GRID2: variants seen among roughly 807,000 people sequenced by gnomAD.
GRID2 encodes the protein glutamate ionotropic receptor delta type subunit 2.
In GRID2, 33 loss-of-function variants were observed where a neutral mutation model predicts 114.8. The observed-to-expected ratio is 0.29, with a 90% CI of 0.22 to 0.38. GRID2 has a LOEUF of 0.38. Among genes scored for constraint, GRID2 ranks in the 10% least tolerant of loss-of-function variants. The pLI is 1.00. For synonymous variants in GRID2, 505 were observed against 449.9 expected (o/e 1.12, Z -1.55); for missense variants, 1,184 against 1,257.7 (o/e 0.94, Z 0.89).
At chr4:93,380,032 GA>G (rs1457100067) in intron 8 of GRID2, among the ~76,000 whole-genome samples, 1 of 151,866 alleles carries the variant, frequency 6.6e-6, no homozygotes, top group East Asian at 1.9e-4. Context: ...CCAACCCTGC[GA>G]AAAACAAAAA....
Position 93,772,955 on chromosome 4 carries a change from T to A in GRID2, c.*457T>A, listed in dbSNP as rs1050412909. 3 of 154,216 alleles carry A rather than the reference T, an allele frequency of 1.9e-5. No individual in the cohort carries two copies. The highest frequency in any genetic ancestry group is 4.3e-5 in the Non-Finnish European group (3 of 69,526). 9.6% of individuals were successfully genotyped at this position (154,216 alleles called of 1,614,324 possible). Reference sequence around the variant, plus strand: ...TACAATGCTCCACTGCTGTTGAGTGTCCTTTAACTGTGGACCAAAGGCAAC... The same window carrying A: ...TACAATGCTCCACTGCTGTTGAGTGACCTTTAACTGTGGACCAAAGGCAAC... On this transcript the variant is annotated 3_prime_UTR_variant, in exon 16 of 16. Coordinates refer to ENST00000282020, the MANE Select transcript of GRID2 (RefSeq NM_001510.4).
At chr4:93,454,874 G>T (rs1022976238) in intron 10 of GRID2, among the ~76,000 whole-genome samples, 1 of 152,016 alleles carries the variant, frequency 6.6e-6, no homozygotes, top group Non-Finnish European at 1.5e-5. Context: ...ACATCTTTTA[G>T]ATATTTAAAT....
At chr4:92,426,965 C>T (rs1732188886) in intron 1 of GRID2, among the ~76,000 whole-genome samples, 1 of 152,094 alleles carries the variant, frequency 6.6e-6, no homozygotes, top group East Asian at 1.9e-4. Flanking sequence ...AGTGTCAGGA[C>T]ACAGGTTTTT....
intron 14 of GRID2, among the ~76,000 whole-genome samples, chr4:93,763,636 A>G (rs562703802): frequency 3.3e-5 from 5 of 152,300 alleles, no homozygotes; most frequent in African/African-American, 1.2e-4. Context: ...TCTAAGCCCA[A>G]TTCAACTATT....
At chr4:92,738,669 A>G (rs1428718009) in intron 2 of GRID2, among the ~76,000 whole-genome samples, 2 of 152,020 alleles carry the variant, frequency 1.3e-5, no homozygotes, top group African/African-American at 2.4e-5. Flanking sequence ...TTTTATTTTT[A>G]GAGACAGGAT....
At chr4:92,363,940 T>C (rs982572744) in intron 1 of GRID2, among the ~76,000 whole-genome samples, 43 of 149,148 alleles carry the variant, frequency 2.9e-4, no homozygotes, top group African/African-American at 9.4e-4. Context: ...GTGTCTCAAC[T>C]CCCCAGGTAG....
intron 1 of GRID2, among the ~76,000 whole-genome samples, chr4:92,388,380 A>G (rs1730080778): frequency 6.6e-6 from 1 of 151,968 alleles, no homozygotes; most frequent in African/African-American, 2.4e-5. Flanking sequence ...CGGTTACAAT[A>G]GTATCCCTGG....
chr4:93,384,147 G>A (rs547716968), intron 8 of GRID2, among the ~76,000 whole-genome samples: 1 of 152,088 alleles, frequency 6.6e-6, no homozygotes, highest in Non-Finnish European at 1.5e-5. Flanking sequence ...CAAAGGGGAA[G>A]GCAACTTCCT....
intron 8 of GRID2, among the ~76,000 whole-genome samples, chr4:93,309,560 A>AATG (rs939962437): frequency 6.6e-6 from 1 of 151,124 alleles, no homozygotes; most frequent in Non-Finnish European, 1.5e-5. Context: ...TAATAATAAT[A>AATG]ATAAATAAAA....
intron 1 of GRID2, among the ~76,000 whole-genome samples, chr4:92,350,979 C>T (rs1728038885): frequency 6.6e-6 from 1 of 151,774 alleles, no homozygotes; most frequent in South Asian, 2.1e-4. Context: ...TTTCAAAGTT[C>T]ATCCGTTATG....
intron 2 of GRID2, among the ~76,000 whole-genome samples, chr4:92,744,504 A>AAG (rs1737052973): frequency 6.6e-6 from 1 of 151,842 alleles, no homozygotes; most frequent in African/African-American, 2.4e-5. Context: ...AAAAAAAAAA[A>AAG]AATTTTTTTT....
At chr4:93,780,187 A>G (rs988925292) in intron 1 of GRID2, among the ~76,000 whole-genome samples, 1 of 152,182 alleles carries the variant, frequency 6.6e-6, no homozygotes, top group African/African-American at 2.4e-5. Flanking sequence ...GGGATCTGCT[A>G]TATTAAGTAA....
intron 2 of GRID2, among the ~76,000 whole-genome samples, chr4:92,849,338 T>C (rs917829273): frequency 1.3e-5 from 2 of 151,936 alleles, no homozygotes; most frequent in African/African-American, 4.8e-5. Flanking sequence ...TGGTGGAATG[T>C]ATTCTTTGAC....
At chr4:93,292,377 A>G (rs1291901256) in intron 8 of GRID2, among the ~76,000 whole-genome samples, 2 of 152,168 alleles carry the variant, frequency 1.3e-5, no homozygotes, top group African/African-American at 4.8e-5. Flanking sequence ...ACCAGGAGAA[A>G]TTTAGAGGTT....
intron 1 of GRID2, among the ~76,000 whole-genome samples, chr4:92,348,415 A>G (rs62311003): frequency 0.035 from 5,323 of 152,324 alleles, 113 homozygotes; most frequent in Middle Eastern, 0.058. Flanking sequence ...TTCATTTCAC[A>G]GAAAGAACAA....
intron 1 of GRID2, among the ~76,000 whole-genome samples, chr4:92,584,758 C>T (rs1223332597): frequency 1.3e-5 from 2 of 151,500 alleles, no homozygotes; most frequent in Non-Finnish European, 3.0e-5. Flanking sequence ...TATATATAGC[C>T]ACCATAAAAA....
intron 2 of GRID2, among the ~76,000 whole-genome samples, chr4:92,990,209 TG>T (rs1445550682): frequency 1.9e-5 from 1 of 53,810 alleles, no homozygotes; most frequent in Non-Finnish European, 4.1e-5. Context: ...TGTGTGTGTG[TG>T]TGTGTGTGTG....
chr4:92,520,327 A>G (rs1383756337), intron 1 of GRID2, among the ~76,000 whole-genome samples: 1 of 151,818 alleles, frequency 6.6e-6, no homozygotes, highest in Non-Finnish European at 1.5e-5. Context: ...TGAGGAAATA[A>G]GAGAAGGAAG....
chr4:92,715,343 G>A (rs1391237482), intron 2 of GRID2, among the ~76,000 whole-genome samples: 1 of 152,070 alleles, frequency 6.6e-6, no homozygotes. Flanking sequence ...CACGACTTTA[G>A]GGAATTCCAA....
Sources: allele counts gnomAD v4.1 joint callset (sites outside exome capture counted in the v4.1 genomes callset), GRCh38; gene constraint gnomAD v4.1.1; transcripts MANE v1.5; gene names NCBI Gene and HGNC (gene_info 2026-07-23, HGNC 2026-07-21).